RPRD1A: variants seen among roughly 807,000 people sequenced by gnomAD.
The protein encoded by RPRD1A is regulation of nuclear pre-mRNA domain-containing protein 1A.
Under a neutral mutation model 37.8 loss-of-function variants are expected in RPRD1A, and 9 were observed. The observed-to-expected ratio is 0.24, with a 90% CI of 0.14 to 0.42. The LOEUF is 0.42. RPRD1A is among the 10% of genes least tolerant of loss of function. The pLI is 1.00. For missense variants in RPRD1A, 255 were observed against 371.0 expected, an observed-to-expected ratio of 0.69 and a Z score of 2.57; for synonymous variants, 138 against 139.7, an observed-to-expected ratio of 0.99 and a Z score of 0.08.
At chr18:36,062,434 A>C (rs2144428297) in intron 1 of RPRD1A, among the ~76,000 whole-genome samples, 1 of 151,808 alleles carries the variant, frequency 6.6e-6, no homozygotes, top group South Asian at 2.1e-4. Context: ...TCCACTCCTC[A>C]GTAAGTATCC....
chr18:36,030,260 G>A lies in RPRD1A; in HGVS notation c.486+548C>T, dbSNP rs187651809. 5.4e-4 allele frequency among the ~76,000 whole-genome samples: 82 copies of A among 151,858 alleles called. No individual in the cohort carries two copies. In the East Asian group the frequency reaches 0.014, roughly 26 times the overall value. On this transcript the variant is annotated intron_variant, in intron 4 of 6. Coordinates refer to ENST00000399022, the MANE Select transcript of RPRD1A (RefSeq NM_018170.5). ...AGCACTTTGGGAGGCCAAGGTGGGA[G>A]GATCACTTGAGGCCAGGAGTTCAAG...
At chr18:36,029,813 T>C (rs2144286287) in intron 4 of RPRD1A, among the ~76,000 whole-genome samples, 1 of 151,892 alleles carries the variant, frequency 6.6e-6, no homozygotes, top group Non-Finnish European at 1.5e-5. Context: ...AACACTACTT[T>C]TTTTTTTTTT....
chr18:36,067,133 G>A, intron 1 of RPRD1A, 121 bp downstream of exon 1: 1 of 1,078,612 alleles, frequency 9.3e-7, no homozygotes. Flanking sequence ...CAAGCCCGCA[G>A]ACCACCGCGC....
chr18:36,064,638 ACTCTGTCAAAACGGACCAATCAGCT>A (rs1568158343), intron 1 of RPRD1A, among the ~76,000 whole-genome samples: 3 of 152,072 alleles, frequency 2.0e-5, no homozygotes, highest in East Asian at 1.9e-4. Flanking sequence ...ACCAATCAGC[ACTCTGTCAAAACGGACCAATCAGCT>A]CTCTGTAAAA....
At chr18:35,997,271 T>A (rs1380375800) in intron 6 of RPRD1A, among the ~76,000 whole-genome samples, 2 of 152,186 alleles carry the variant, frequency 1.3e-5, no homozygotes, top group Non-Finnish European at 1.5e-5. Flanking sequence ...ACTTTTCTCA[T>A]ATCTCAACTT....
chr18:36,025,588 A>C (rs182767923), intron 6 of RPRD1A: 93 of 1,258,542 alleles, frequency 7.4e-5, no homozygotes, highest in Non-Finnish European at 9.6e-5. Context: ...AACATGAGAC[A>C]ATACAGGCTT....
At chr18:36,015,153 C>CACACACACACAA (rs1910437697) in intron 6 of RPRD1A, among the ~76,000 whole-genome samples, 1 of 108,222 alleles carries the variant, frequency 9.2e-6, no homozygotes, top group African/African-American at 3.0e-5. Flanking sequence ...CACACACACA[C>CACACACACACAA]ACACATATAT....
intron 6 of RPRD1A, among the ~76,000 whole-genome samples, chr18:36,016,945 T>C (rs912723131): frequency 7.9e-5 from 12 of 152,294 alleles, no homozygotes; most frequent in Non-Finnish European, 1.8e-4. Context: ...ATAAAAATTT[T>C]GGATGGTATC....
chr18:36,065,875 A>ATTT (rs879922283), intron 1 of RPRD1A, among the ~76,000 whole-genome samples: 1 of 145,506 alleles, frequency 6.9e-6, no homozygotes, highest in African/African-American at 2.5e-5. Flanking sequence ...CAGTACTGCC[A>ATTT]TTTTTTTTTT....
At chr18:36,019,010 T>C (rs1016769201) in intron 6 of RPRD1A, among the ~76,000 whole-genome samples, 7 of 151,674 alleles carry the variant, frequency 4.6e-5, no homozygotes, top group Admixed American at 1.3e-4. Flanking sequence ...TTGATATACC[T>C]GAAAAACAAA....
intron 6 of RPRD1A, among the ~76,000 whole-genome samples, chr18:35,996,888 G>A (rs946365319): frequency 6.7e-6 from 1 of 149,218 alleles, no homozygotes. Flanking sequence ...ACTAAAGTGG[G>A]AGTCACCTGG....
intron 1 of RPRD1A, among the ~76,000 whole-genome samples, chr18:36,051,108 C>A (rs1913358707): frequency 6.6e-6 from 1 of 151,966 alleles, no homozygotes; most frequent in African/African-American, 2.4e-5. Flanking sequence ...AAAGGTCAGA[C>A]CTATGTTGTT....
chr18:36,010,382 T>A (rs1194347070), intron 6 of RPRD1A, among the ~76,000 whole-genome samples: 23 of 152,012 alleles, frequency 1.5e-4, no homozygotes, highest in Admixed American at 1.5e-3. Context: ...AGTTCTAGCT[T>A]CTTGGGAAGC....
chr18:36,031,194 T>C (rs1435767047), intron 2 of RPRD1A, 97 bp from the exon 3 acceptor site: 6 of 1,369,112 alleles, frequency 4.4e-6, no homozygotes, highest in East Asian at 2.6e-5. Context: ...TAATCAGACA[T>C]TCATTCCCTG....
Position 36,067,381 on chromosome 18 carries a change from C to A in RPRD1A, c.24G>T (p.Ala8=), listed in dbSNP as rs746454874. The A allele has an allele frequency of 1.9e-6, 3 of 1,607,496 alleles. No homozygotes were observed. Among genetic ancestry groups the A allele is most frequent in the Non-Finnish European group, 2.5e-6 (3 of 1,177,188 alleles). ...TCAACTCCGACAGCTTCTTCTCCAG[C>A]GCCGCCTCAGAGAAGGCTGACATCC... MSAFSEA[A]LEKKLSELSN... The change falls in exon 1 of 7, where the codon GCG becomes GCT. Residue 8 remains alanine, a synonymous_variant. Transcript: ENST00000399022.
At chr18:36,043,510 A>C (rs1912745334) in intron 1 of RPRD1A, among the ~76,000 whole-genome samples, 1 of 152,210 alleles carries the variant, frequency 6.6e-6, no homozygotes, top group Non-Finnish European at 1.5e-5. Context: ...TTAAACCTTC[A>C]ATTTCAGTAT....
At chr18:36,023,501 G>A (rs138031147) in intron 6 of RPRD1A, among the ~76,000 whole-genome samples, 1 of 152,334 alleles carries the variant, frequency 6.6e-6, no homozygotes, top group East Asian at 1.9e-4. Context: ...TACTCCCAGT[G>A]GAGATGAAAT....
intron 4 of RPRD1A, among the ~76,000 whole-genome samples, chr18:36,030,053 A>G (rs1598631569): frequency 1.3e-5 from 2 of 151,220 alleles, no homozygotes; most frequent in South Asian, 2.1e-4. Context: ...TGATCCGACC[A>G]CCTTGGCCTC....
intron 2 of RPRD1A, 31 bp downstream of exon 2, chr18:36,033,677 G>C: frequency 6.3e-7 from 1 of 1,576,510 alleles, no homozygotes; most frequent in Non-Finnish European, 8.6e-7. Flanking sequence ...ATTTAAAACA[G>C]ATTACCTAAT....
Sources: allele counts gnomAD v4.1 joint callset (sites outside exome capture counted in the v4.1 genomes callset), GRCh38; gene constraint gnomAD v4.1.1; transcripts MANE v1.5; gene names NCBI Gene and HGNC (gene_info 2026-07-23, HGNC 2026-07-21).